The following MEGF11 variants were observed in gnomAD, a reference collection of about 807,000 sequenced individuals.
The protein encoded by MEGF11 is multiple EGF like domains 11.
Under a neutral mutation model 146.6 loss-of-function variants are expected in MEGF11, and 126 were observed. The ratio of observed to expected loss-of-function variants is 0.86; its 90% CI spans 0.74 to 1.00. The LOEUF (loss-of-function observed/expected upper bound fraction) is 1.00, where lower values mean the gene tolerates loss of function less well. MEGF11 is among the 50% of genes least tolerant of loss of function. The probability of loss-of-function intolerance (pLI) is 0.00; values close to 1 mark genes in which losing one functional copy is unlikely to be tolerated. For missense variants in MEGF11, 1,509 were observed against 1,521.2 expected, an observed-to-expected ratio of 0.99 and a Z score of 0.13; for synonymous variants, 532 against 583.4, an observed-to-expected ratio of 0.91 and a Z score of 1.27.
chr15:66,192,689 A>G (rs1225652214), intron 1 of MEGF11, among the ~76,000 whole-genome samples: 1 of 152,158 alleles, frequency 6.6e-6, no homozygotes, highest in Non-Finnish European at 1.5e-5. Flanking sequence ...TATATACAAT[A>G]CTAGGCAGGC....
At chr15:66,206,097 G>A (rs1284779679) in intron 1 of MEGF11, among the ~76,000 whole-genome samples, 3 of 152,190 alleles carry the variant, frequency 2.0e-5, no homozygotes, top group Admixed American at 2.0e-4. Context: ...GCAAAGAAAT[G>A]CAAGGCATAA....
intron 5 of MEGF11, among the ~76,000 whole-genome samples, chr15:65,987,987 G>A (rs919405247): frequency 2.9e-4 from 40 of 138,964 alleles, no homozygotes; most frequent in Non-Finnish European, 4.3e-4. Flanking sequence ...GGGATTACAG[G>A]CATGAGCCAC....
At chr15:66,008,411 GCACACACACA>G (rs995843726) in intron 5 of MEGF11, among the ~76,000 whole-genome samples, 1 of 52,058 alleles carries the variant, frequency 1.9e-5, no homozygotes, top group African/African-American at 4.9e-5. Context: ...ACGCGCGCGC[GCACACACACA>G]CACACACACA....
chr15:66,123,801 C>G, intron 3 of MEGF11, 98 bp downstream of exon 3: 1 of 941,294 alleles, frequency 1.1e-6, no homozygotes. Context: ...AGGCGCGTGA[C>G]AACATCTGCT....
At chr15:66,149,020 G>C (rs1022482762) in intron 1 of MEGF11, among the ~76,000 whole-genome samples, 2 of 152,218 alleles carry the variant, frequency 1.3e-5, no homozygotes, top group Admixed American at 1.3e-4. Context: ...GAGGAGGCAG[G>C]GCAGACACCC....
In MEGF11 at chr15:65,982,490, TG is replaced by T; in HGVS notation, c.395-3del. On this transcript the variant is annotated splice_polypyrimidine_tract_variant and splice_region_variant and intron_variant, in intron 5 of 25. Transcript: ENST00000395614. The surrounding 1 kb of genome is among the most constrained non-coding windows in gnomAD (Gnocchi z 5.6). ...GCCCCCAGTGGTCGCTGTCGCAGCC[TG>T]CAAGAGACGGGACAGTCAGGGATCA... The T allele has an allele frequency of 6.8e-7, 1 of 1,473,514 alleles. No homozygotes were observed. The highest frequency in any genetic ancestry group is 1.4e-5 in the South Asian group (1 of 71,390). 91.3% of individuals were successfully genotyped at this position (1,473,514 alleles called of 1,614,324 possible). A position where few individuals can be genotyped will look rare whatever the true frequency, so the allele number is the denominator to read the frequency against.
At chr15:66,094,924 T>G (rs1597077182) in intron 4 of MEGF11, among the ~76,000 whole-genome samples, 1 of 152,312 alleles carries the variant, frequency 6.6e-6, no homozygotes, top group East Asian at 1.9e-4. Flanking sequence ...TGTATCAGCC[T>G]GCCTGAAAAG....
chr15:66,162,760 A>T (rs1407664284), intron 1 of MEGF11, among the ~76,000 whole-genome samples: 1 of 152,186 alleles, frequency 6.6e-6, no homozygotes, highest in Non-Finnish European at 1.5e-5. Flanking sequence ...CTCCAGCTGG[A>T]CACTTAACAC....
At position 65,920,638 on chromosome 15, in the gene MEGF11, G is replaced by A. The variant is rs541435785; in HGVS notation, c.1957+1700C>T. Among the ~76,000 whole-genome samples, 3 of 152,354 alleles carry A rather than the reference G, an allele frequency of 2.0e-5. No individual in the cohort carries two copies. The South Asian group carries it at 6.2e-4, about 32-fold the overall frequency. ...GAATCAAGAGTAAGGCAAAGAGAGG[G>A]GCAGTGGACAGAAGGGGGGCTGGTG... On this transcript the variant is annotated intron_variant, in intron 15 of 25. Coordinates refer to ENST00000395614, the MANE Select transcript of MEGF11 (RefSeq NM_001385028.1).
intron 4 of MEGF11, among the ~76,000 whole-genome samples, chr15:66,118,450 C>A (rs1051426293): frequency 6.6e-6 from 1 of 152,190 alleles, no homozygotes; most frequent in African/African-American, 2.4e-5. Flanking sequence ...ACACTAAGGC[C>A]TGCATTTTCT....
intron 15 of MEGF11, among the ~76,000 whole-genome samples, chr15:65,921,404 T>C (rs986877404): frequency 3.3e-5 from 5 of 152,192 alleles, no homozygotes; most frequent in Non-Finnish European, 7.3e-5. Flanking sequence ...CCAGCTACCA[T>C]ATCCATCAGC....
chr15:66,239,992 C>T (rs1463963057), intron 1 of MEGF11, among the ~76,000 whole-genome samples: 1 of 152,230 alleles, frequency 6.6e-6, no homozygotes, highest in African/African-American at 2.4e-5. Flanking sequence ...CATGACTAAG[C>T]AACCAGCTTT....
intron 1 of MEGF11, among the ~76,000 whole-genome samples, chr15:66,228,925 G>A (rs1240613380): frequency 6.6e-6 from 1 of 152,056 alleles, no homozygotes; most frequent in South Asian, 2.1e-4. Flanking sequence ...TCCTGTCACA[G>A]GCAGTCCTCT....
At position 65,912,142 on chromosome 15, in the gene MEGF11, C is replaced by T. The variant is rs2078831997; in HGVS notation, c.2769G>A (p.Leu923=). ...HCFSNSSYHA[L]ACGGPATSQA... is the part of the protein sequence containing the mutation. ...GGCTGGTGGCAGGCCCCCCACATGC[C>T]AGTGCGTGGTAGCTGGAATTGGAAA... The change falls in exon 21 of 26, where the codon CTG becomes CTA. Residue 923 remains leucine (L), a synonymous_variant. Coordinates refer to ENST00000395614, the MANE Select transcript of MEGF11 (RefSeq NM_001385028.1). 3.2e-6 allele frequency: 4 copies of T among 1,232,206 alleles called. No individual in the cohort carries two copies. In the East Asian group the frequency reaches 1.3e-4, roughly 39 times the overall value. 76.3% of individuals were successfully genotyped at this position (1,232,206 alleles called of 1,614,324 possible).
chr15:66,045,078 C>T lies in MEGF11; in HGVS notation c.394+49324G>A, dbSNP rs541493334. On this transcript the variant is annotated intron_variant, in intron 5 of 25. Transcript: ENST00000395614. ...GGGTCCTGCTGCTATAATAAACATC[C>T]CCCAAATCTAAAAGCCTTAAAATAA... Among the ~76,000 whole-genome samples, 9 of 152,220 alleles carry T rather than the reference C, an allele frequency of 5.9e-5. No homozygotes were observed. The South Asian group carries it at 1.7e-3, about 28-fold the overall frequency.
chr15:66,066,560 A>G (rs2085132508), intron 5 of MEGF11, among the ~76,000 whole-genome samples: 1 of 152,222 alleles, frequency 6.6e-6, no homozygotes, highest in African/African-American at 2.4e-5. Flanking sequence ...CCTGGGTCCA[A>G]GTGGCCTGCG....
chr15:65,982,336 T>G lies in MEGF11; in HGVS notation c.547A>C (p.Lys183Gln). ...EELCAPGTHG[K>Q]GCQLPCQCRH... Reference sequence around the variant, plus strand: ...CACTGGCACGGCAGCTGGCATCCCTTGCCGTGGGTGCCAGGTGCGCAGAGC... The same window carrying G: ...CACTGGCACGGCAGCTGGCATCCCTGGCCGTGGGTGCCAGGTGCGCAGAGC... Residue 183 changes from lysine (K) to glutamine (Q), a missense_variant, in exon 6 of 26, where the codon AAG becomes CAG. Physicochemically the swap from Lys to Gln is moderately conservative, Grantham distance 53. Transcript: ENST00000395614. The surrounding 1 kb of genome is among the most constrained non-coding windows in gnomAD (Gnocchi z 5.6). 1 of 1,530,428 alleles carries G rather than the reference T, an allele frequency of 6.5e-7. No homozygotes were observed. Among genetic ancestry groups the G allele is most frequent in the Non-Finnish European group, 8.8e-7 (1 of 1,139,556 alleles). The allele number at this position is 1,530,428 out of a possible 1,614,324, so 94.8% of individuals were successfully genotyped here. A position where few individuals can be genotyped will look rare whatever the true frequency, so the allele number is the denominator to read the frequency against.
At chr15:66,059,940 G>T (rs2084834183) in intron 5 of MEGF11, among the ~76,000 whole-genome samples, 1 of 152,268 alleles carries the variant, frequency 6.6e-6, no homozygotes, top group African/African-American at 2.4e-5. Flanking sequence ...TCCTGGGAAG[G>T]TTGGGCAGCA....
chr15:66,220,231 C>T (rs902335610), intron 1 of MEGF11, among the ~76,000 whole-genome samples: 5 of 151,922 alleles, frequency 3.3e-5, no homozygotes, highest in Non-Finnish European at 5.9e-5. Context: ...AAATTTCTGT[C>T]GTTTTAAGAA....
Sources: allele counts gnomAD v4.1 joint callset (sites outside exome capture counted in the v4.1 genomes callset), GRCh38; gene constraint gnomAD v4.1.1; non-coding constraint Gnocchi (gnomAD v3.1); transcripts MANE v1.5; gene names NCBI Gene and HGNC (gene_info 2026-07-23, HGNC 2026-07-21).